SAMD5: variants seen among roughly 807,000 people sequenced by gnomAD.
SAMD5 encodes the protein sterile alpha motif domain-containing protein 5.
In SAMD5, 13 loss-of-function variants were observed where a neutral mutation model predicts 11.3. That is an observed-to-expected ratio of 1.15 (90% CI 0.75 to 1.83). The LOEUF is 1.83. Among genes scored for constraint, SAMD5 ranks in the 40% most tolerant of loss-of-function variants. The probability of loss-of-function intolerance (pLI) is 0.00; values close to 1 mark genes in which losing one functional copy is unlikely to be tolerated. For synonymous variants in SAMD5, 129 were observed against 111.3 expected (o/e 1.16, Z -1.00); for missense variants, 255 against 239.1 (o/e 1.07, Z -0.44).
the SAMD5 span, among the ~76,000 whole-genome samples, chr6:147,794,975 A>C: frequency 6.6e-6 from 1 of 152,074 alleles, no homozygotes; most frequent in Non-Finnish European, 1.5e-5. Context: ...TAATCTATTT[A>C]ATTAAAGAGT....
chr6:147,941,275 T>A, the SAMD5 span, among the ~76,000 whole-genome samples: 1 of 152,214 alleles, frequency 6.6e-6, no homozygotes, highest in Admixed American at 6.5e-5. Context: ...CAGGGCCATG[T>A]GTGTGAATAA....
intron 1 of SAMD5, among the ~76,000 whole-genome samples, chr6:147,521,999 T>G (rs1448043373): frequency 6.6e-6 from 1 of 152,138 alleles, no homozygotes; most frequent in African/African-American, 2.4e-5. Flanking sequence ...CTTTTTCTTG[T>G]CCAAAATCCA....
the SAMD5 span, among the ~76,000 whole-genome samples, chr6:147,819,653 C>T: frequency 1.3e-5 from 2 of 152,126 alleles, no homozygotes; most frequent in Admixed American, 1.3e-4. Context: ...AAGACAAATT[C>T]CAGTCCCAGC....
chr6:147,941,399 G>C, the SAMD5 span, among the ~76,000 whole-genome samples: 4 of 152,228 alleles, frequency 2.6e-5, no homozygotes, highest in African/African-American at 9.6e-5. Context: ...GGGCTTGGCT[G>C]TATGAAGCTG....
chr6:147,800,872 A>G, the SAMD5 span, among the ~76,000 whole-genome samples: 1 of 152,204 alleles, frequency 6.6e-6, no homozygotes, highest in African/African-American at 2.4e-5. Flanking sequence ...TCATAAAATG[A>G]AACTATTCTA....
At chr6:147,691,858 A>G (rs973895883) in intron 1 of SAMD5, among the ~76,000 whole-genome samples, 6 of 152,182 alleles carry the variant, frequency 3.9e-5, no homozygotes, top group African/African-American at 1.4e-4. Context: ...TACTACATAA[A>G]TCTTGCTAAA....
At chr6:147,553,729 C>T (rs1429994593) in intron 1 of SAMD5, among the ~76,000 whole-genome samples, 1 of 152,266 alleles carries the variant, frequency 6.6e-6, no homozygotes, top group South Asian at 2.1e-4. Context: ...CTTCCGAGTT[C>T]ATTTGGACAA....
the SAMD5 span, among the ~76,000 whole-genome samples, chr6:147,916,760 T>A: frequency 5.8e-5 from 8 of 138,320 alleles, no homozygotes; most frequent in African/African-American, 2.2e-4. Flanking sequence ...CCTGTGTCGA[T>A]GTGTTCTCAT....
At chr6:147,551,025 CA>C (rs993684642) in intron 1 of SAMD5, among the ~76,000 whole-genome samples, 1 of 152,134 alleles carries the variant, frequency 6.6e-6, no homozygotes, top group Non-Finnish European at 1.5e-5. Context: ...TGTTGTTAGA[CA>C]CAAATTTCAA....
chr6:147,579,394 A>G (rs1362803718), intron 1 of SAMD5, among the ~76,000 whole-genome samples: 3 of 150,358 alleles, frequency 2.0e-5, no homozygotes, highest in African/African-American at 7.3e-5. Flanking sequence ...TTTGCAGTCT[A>G]GGCTGAGGAG....
At chr6:147,882,502 C>T in the SAMD5 span, among the ~76,000 whole-genome samples, 2 of 152,160 alleles carry the variant, frequency 1.3e-5, no homozygotes, top group East Asian at 1.9e-4. Context: ...ATCACTTGAG[C>T]CCAGGAATTC....
the SAMD5 span, among the ~76,000 whole-genome samples, chr6:147,842,287 G>A: frequency 6.6e-6 from 1 of 152,078 alleles, no homozygotes; most frequent in Middle Eastern, 3.4e-3. Flanking sequence ...TCTCTCCAAA[G>A]TGAAAAACCT....
chr6:147,811,976 C>T, the SAMD5 span, among the ~76,000 whole-genome samples: 1 of 151,978 alleles, frequency 6.6e-6, no homozygotes, highest in African/African-American at 2.4e-5. Context: ...GGATAAAGGA[C>T]GTCACTTTTG....
chr6:147,792,580 A>G, the SAMD5 span, among the ~76,000 whole-genome samples: 6 of 152,206 alleles, frequency 3.9e-5, no homozygotes, highest in African/African-American at 1.4e-4. Context: ...ACACCTCACT[A>G]GTAACAAGCA....
the SAMD5 span, among the ~76,000 whole-genome samples, chr6:147,945,207 C>T: frequency 6.6e-6 from 1 of 152,150 alleles, no homozygotes; most frequent in Non-Finnish European, 1.5e-5. Flanking sequence ...TGATCCCTCT[C>T]CTCTCCCCGT....
At chr6:147,805,528 G>A in the SAMD5 span, among the ~76,000 whole-genome samples, 7 of 152,288 alleles carry the variant, frequency 4.6e-5, no homozygotes, top group South Asian at 1.4e-3. Flanking sequence ...AGAAGAAAAA[G>A]AGAAAAGAAA....
intron 1 of SAMD5, among the ~76,000 whole-genome samples, chr6:147,717,030 T>G (rs949743175): frequency 1.3e-5 from 2 of 152,208 alleles, no homozygotes; most frequent in Non-Finnish European, 2.9e-5. Flanking sequence ...ATCACATTAC[T>G]CCTTTGTCTA....
chr6:147,655,380 A>C (rs1790550592), intron 1 of SAMD5, among the ~76,000 whole-genome samples: 1 of 152,154 alleles, frequency 6.6e-6, no homozygotes, highest in Non-Finnish European at 1.5e-5. Context: ...CCAACTAAAA[A>C]ATTCAATTAT....
At chr6:147,865,301 T>C in the SAMD5 span, among the ~76,000 whole-genome samples, 2 of 148,364 alleles carry the variant, frequency 1.3e-5, no homozygotes, top group Admixed American at 6.8e-5. Context: ...TGTATGTACA[T>C]GTAGGTATAT....
Sources: gnomAD v4.1 joint callset for allele counts (sites outside exome capture counted in the v4.1 genomes callset) on GRCh38, gnomAD v4.1.1 for gene constraint, MANE v1.5 for transcripts, NCBI Gene and HGNC (gene_info 2026-07-23, HGNC 2026-07-21) for gene names.